EBF2: variants seen among roughly 807,000 people sequenced by gnomAD.
The protein encoded by EBF2 is EBF transcription factor 2.
EBF2 carries 21 observed loss-of-function variants against 72.8 expected under a neutral mutation model. The ratio of observed to expected loss-of-function variants is 0.29; its 90% CI spans 0.20 to 0.42. The LOEUF (loss-of-function observed/expected upper bound fraction) is 0.42. Among genes scored for constraint, EBF2 ranks in the 10% least tolerant of loss-of-function variants. The pLI is 1.00. For missense variants in EBF2, 637 were observed against 731.2 expected, an observed-to-expected ratio of 0.87 and a Z score of 1.49; for synonymous variants, 299 against 274.2, an observed-to-expected ratio of 1.09 and a Z score of -0.89.
intron 6 of EBF2, among the ~76,000 whole-genome samples, chr8:25,928,782 G>A (rs377616575): frequency 9.4e-4 from 104 of 110,342 alleles, no homozygotes; most frequent in East Asian, 1.3e-3. Context: ...ATTTTTAAAT[G>A]AAAAAAAAAA....
intron 4 of EBF2, 84 bp downstream of exon 4, chr8:26,040,532 G>T (rs1805581404): frequency 1.5e-6 from 2 of 1,301,140 alleles, no homozygotes; most frequent in Non-Finnish European, 2.1e-6. Flanking sequence ...AATCGTGGAG[G>T]AGGGGCAGGT....
At position 25,867,963 on chromosome 8, in the gene EBF2, C is replaced by G. The variant is rs553057761; in HGVS notation, c.1010-5166G>C. Among the ~76,000 whole-genome samples, 3 of 152,306 alleles carry G rather than the reference C, an allele frequency of 2.0e-5. No homozygotes were observed. In the South Asian group the frequency reaches 6.2e-4, roughly 32 times the overall value. On this transcript the variant is annotated intron_variant, in intron 10 of 15. Coordinates refer to ENST00000520164, the MANE Select transcript of EBF2 (RefSeq NM_022659.4). ...TCTATATTGTATTTGTTTAAAATTT[C>G]TAACCGATCTAGAGTTCCCCTCCCC...
intron 6 of EBF2, among the ~76,000 whole-genome samples, chr8:25,973,590 C>A (rs1804223745): frequency 6.6e-6 from 1 of 152,186 alleles, no homozygotes; most frequent in Non-Finnish European, 1.5e-5. Flanking sequence ...AGAAAACAAA[C>A]AACTCTCAAA....
chr8:25,927,845 T>A (rs1042388954), intron 6 of EBF2, among the ~76,000 whole-genome samples: 5 of 152,188 alleles, frequency 3.3e-5, no homozygotes, highest in Admixed American at 6.5e-5. Context: ...TTGCATTTTT[T>A]AAAAATCTTC....
intron 6 of EBF2, among the ~76,000 whole-genome samples, chr8:25,959,992 C>T (rs1212999065): frequency 6.6e-6 from 1 of 152,190 alleles, no homozygotes; most frequent in African/African-American, 2.4e-5. Flanking sequence ...ACCCAATTCC[C>T]AGCCTATTCA....
chr8:25,942,127 G>A (rs1803684955), intron 6 of EBF2, among the ~76,000 whole-genome samples: 1 of 152,218 alleles, frequency 6.6e-6, no homozygotes, highest in African/African-American at 2.4e-5. Context: ...AGCACAGAGA[G>A]CACCGGAAAC....
intron 13 of EBF2, 41 bp from the exon 14 acceptor site, chr8:25,858,545 GCA>G (rs747051338): frequency 2.5e-6 from 4 of 1,585,730 alleles, no homozygotes; most frequent in Non-Finnish European, 3.4e-6. Context: ...CAACAGGCGT[GCA>G]CAGTCAGGCC....
chr8:26,017,107 C>T (rs1805123009), intron 6 of EBF2, among the ~76,000 whole-genome samples: 1 of 149,966 alleles, frequency 6.7e-6, no homozygotes, highest in South Asian at 2.1e-4. Context: ...AATGCCTGTA[C>T]ACTGTATATC....
intron 15 of EBF2, among the ~76,000 whole-genome samples, 159 bp downstream of exon 15, chr8:25,850,435 C>A (rs1389500021): frequency 6.6e-6 from 1 of 152,174 alleles, no homozygotes; most frequent in Non-Finnish European, 1.5e-5. Flanking sequence ...TTAGATGGAG[C>A]ACTTGCCTAG....
In EBF2 at chr8:25,887,863, C is replaced by G; in HGVS notation, c.861G>C (p.Gly287=). ...NFFDGLQVVF[G]TMLVWSELIT... ...TTACCTCGCTCCATACAAGCATAGTCCCAAACACCACTTGGAGACCATCAA... is the reference window on the plus strand; with the variant it reads ...TTACCTCGCTCCATACAAGCATAGTGCCAAACACCACTTGGAGACCATCAA... Residue 287 remains glycine (G), a synonymous_variant, in exon 9 of 16, where the codon GGG becomes GGC. Coordinates refer to ENST00000520164, the MANE Select transcript of EBF2 (RefSeq NM_022659.4). The G allele has an allele frequency of 6.2e-7, 1 of 1,612,906 alleles. No individual in the cohort carries two copies. Among genetic ancestry groups the G allele is most frequent in the Non-Finnish European group, 8.5e-7 (1 of 1,179,446 alleles).
chr8:25,905,515 G>A (rs565559751), intron 7 of EBF2, among the ~76,000 whole-genome samples: 1 of 152,294 alleles, frequency 6.6e-6, no homozygotes, highest in South Asian at 2.1e-4. Context: ...AAAAAGGAAT[G>A]AAGTATTGAT....
intron 6 of EBF2, among the ~76,000 whole-genome samples, chr8:25,935,808 C>T (rs1803570027): frequency 6.6e-6 from 1 of 152,130 alleles, no homozygotes; most frequent in South Asian, 2.1e-4. Flanking sequence ...TAATTAAAAA[C>T]ATGATTGATG....
In EBF2 at chr8:25,906,926, G is replaced by A. The variant is rs1803043173; in HGVS notation, c.633+1548C>T. On this transcript the variant is annotated intron_variant, in intron 7 of 15. Transcript: ENST00000520164. Reference sequence around the variant, plus strand: ...CAGCAAGATTGATAGCCATGATGGGGTTAAAAAATACTACTACTAGTTTTT... The same window carrying A: ...CAGCAAGATTGATAGCCATGATGGGATTAAAAAATACTACTACTAGTTTTT... Among the ~76,000 whole-genome samples, 3 of 152,006 alleles carry A rather than the reference G, an allele frequency of 2.0e-5. No homozygotes were observed. In the South Asian group the frequency reaches 6.2e-4, roughly 32 times the overall value.
Position 26,044,923 on chromosome 8 carries a change from C to T in EBF2, c.-64G>A. ...GAGTTACAACACAGTCCTGACTGTTCCCAACGTTGCCAGCAAATCGTCTCC... is the reference window on the plus strand; with the variant it reads ...GAGTTACAACACAGTCCTGACTGTTTCCAACGTTGCCAGCAAATCGTCTCC... On this transcript the variant is annotated 5_prime_UTR_variant, in exon 1 of 16. Coordinates refer to ENST00000520164, the MANE Select transcript of EBF2 (RefSeq NM_022659.4). This position sits in a 1 kb window ranked among gnomAD's most constrained non-coding sequence, Gnocchi z 4.1. 6.5e-7 allele frequency: 1 copy of T among 1,538,852 alleles called. No homozygotes were observed. Among genetic ancestry groups the T allele is most frequent in the Non-Finnish European group, 8.8e-7 (1 of 1,132,556 alleles).
At chr8:25,854,238 C>CAAAAAA (rs372818134) in intron 14 of EBF2, among the ~76,000 whole-genome samples, 1 of 137,452 alleles carries the variant, frequency 7.3e-6, no homozygotes. Flanking sequence ...CCCCCACCTC[C>CAAAAAA]AAAAAAAAAA....
chr8:25,918,038 A>C (rs1803253175), intron 6 of EBF2, among the ~76,000 whole-genome samples: 1 of 152,246 alleles, frequency 6.6e-6, no homozygotes, highest in Admixed American at 6.5e-5. Context: ...GCCAGAACAG[A>C]TACCAGTGAG....
At chr8:26,015,652 C>T (rs1805099157) in intron 6 of EBF2, among the ~76,000 whole-genome samples, 2 of 152,198 alleles carry the variant, frequency 1.3e-5, no homozygotes, top group African/African-American at 4.8e-5. Context: ...TATTAATGCT[C>T]CAGCAATCCA....
chr8:25,893,271 ATTTTTTTTTTTTTTT>A (rs201829098), intron 7 of EBF2, among the ~76,000 whole-genome samples: 3 of 111,446 alleles, frequency 2.7e-5, no homozygotes, highest in African/African-American at 4.4e-5. Flanking sequence ...TAATTCTTCC[ATTTTTTTTTTTTTTT>A]TTTTTTTTTT....
intron 10 of EBF2, among the ~76,000 whole-genome samples, chr8:25,867,855 AATTC>A (rs1391550145): frequency 6.6e-6 from 1 of 152,194 alleles, no homozygotes; most frequent in Non-Finnish European, 1.5e-5. Context: ...AGAAACCTTG[AATTC>A]ATTGTTTCTC....
Sources: allele counts gnomAD v4.1 joint callset (sites outside exome capture counted in the v4.1 genomes callset), GRCh38; gene constraint gnomAD v4.1.1; non-coding constraint Gnocchi (gnomAD v3.1); transcripts MANE v1.5; gene names NCBI Gene and HGNC (gene_info 2026-07-23, HGNC 2026-07-21).